NFIB: variants seen among roughly 807,000 people sequenced by gnomAD.
NFIB encodes the protein nuclear factor 1 B-type.
NFIB carries 11 observed loss-of-function variants against 61.5 expected under a neutral mutation model. The observed-to-expected ratio is 0.18, with a 90% CI of 0.11 to 0.30. NFIB has a LOEUF of 0.30. NFIB is among the 10% of genes least tolerant of loss of function. NFIB has a pLI of 1.00. For missense variants in NFIB, 471 were observed against 608.9 expected, an observed-to-expected ratio of 0.77 and a Z score of 2.38; for synonymous variants, 260 against 216.5, an observed-to-expected ratio of 1.20 and a Z score of -1.76.
chr9:14,405,300 T>C, the NFIB span, among the ~76,000 whole-genome samples: 1 of 152,194 alleles, frequency 6.6e-6, no homozygotes, highest in Non-Finnish European at 1.5e-5. Context: ...AAAACTTCTA[T>C]TGTATTATGT....
chr9:14,482,059 G>A, the NFIB span, among the ~76,000 whole-genome samples: 15,373 of 148,504 alleles, frequency 0.1, 923 homozygotes, highest in South Asian at 0.18. Flanking sequence ...ATACTGAGAC[G>A]ATGCCCCACC....
At chr9:14,521,913 A>G in the NFIB span, among the ~76,000 whole-genome samples, 2 of 152,230 alleles carry the variant, frequency 1.3e-5, no homozygotes, top group Non-Finnish European at 2.9e-5. Flanking sequence ...ATATTCATCA[A>G]TTCCTCAGCA....
At chr9:14,270,490 G>A (rs958796625) in intron 2 of NFIB, among the ~76,000 whole-genome samples, 2 of 141,436 alleles carry the variant, frequency 1.4e-5, no homozygotes, top group African/African-American at 5.2e-5. Context: ...CCAGACCATT[G>A]GCTTGAGATC....
intron 5 of NFIB, 97 bp downstream of exon 5, chr9:14,150,048 A>G: frequency 6.6e-7 from 1 of 1,503,790 alleles, no homozygotes; most frequent in Non-Finnish European, 8.9e-7. Context: ...ATTATTTCCC[A>G]TCTCTCTTTA....
In NFIB at chr9:14,087,932, T is replaced by C. The variant is rs1006634390; in HGVS notation, c.*377A>G. On this transcript the variant is annotated 3_prime_UTR_variant, in exon 11 of 11. Coordinates refer to ENST00000380953, the MANE Select transcript of NFIB (RefSeq NM_001190737.2). ...TATTGTCATAGAGACAGAACATCTA[T>C]TTCCCAGCGGACTTCATGTAACAAA... The C allele has an allele frequency of 1.6e-5, 4 of 250,342 alleles. No individual in the cohort carries two copies. The Admixed American group carries it at 2.1e-4, about 13-fold the overall frequency. The allele number at this position is 250,342 out of a possible 1,614,324, so 15.5% of individuals were successfully genotyped here. A position where few individuals can be genotyped will look rare whatever the true frequency, so the allele number is the denominator to read the frequency against.
the NFIB span, among the ~76,000 whole-genome samples, chr9:14,414,916 T>C: frequency 6.6e-6 from 1 of 152,176 alleles, no homozygotes; most frequent in Non-Finnish European, 1.5e-5. Flanking sequence ...CCAAATCAAA[T>C]GGCCATTCTA....
Position 14,146,735 on chromosome 9 carries a change from T to A in NFIB, c.879A>T (p.Pro293=), listed in dbSNP as rs773755755. ...PSPTGDFYPS[P]SSPAAGSRTW... Reference sequence around the variant, plus strand: ...TTCGACTTCCAGCAGCTGGTGAACTTGGAGAGGGGTAAAAGTCTCCTGTAG... The same window carrying A: ...TTCGACTTCCAGCAGCTGGTGAACTAGGAGAGGGGTAAAAGTCTCCTGTAG... The change falls in exon 6 of 11, where the codon CCA becomes CCT. Residue 293 remains proline (P), a synonymous_variant. Coordinates refer to ENST00000380953, the MANE Select transcript of NFIB (RefSeq NM_001190737.2). 1 of 1,612,146 alleles carries A rather than the reference T, an allele frequency of 6.2e-7. No individual in the cohort carries two copies. The highest frequency in any genetic ancestry group is 1.7e-5 in the Admixed American group (1 of 59,670).
chr9:14,145,564 C>T (rs1428784745), intron 6 of NFIB, among the ~76,000 whole-genome samples: 2 of 152,058 alleles, frequency 1.3e-5, no homozygotes, highest in Non-Finnish European at 2.9e-5. Context: ...TATGTGTCTC[C>T]TAAGAGTACT....
In NFIB at chr9:14,346,296, C is replaced by G. The variant is rs531962719; in HGVS notation, c.109-38776G>C. On this transcript the variant is annotated intron_variant, in intron 1 of 8. Transcript: ENST00000380934. Reference sequence around the variant, plus strand: ...GTCACACGAGGTAACCGACACCCCCCCCCCGTAACCTGAGCTAAAGGTAAA... The same window carrying G: ...GTCACACGAGGTAACCGACACCCCCGCCCCGTAACCTGAGCTAAAGGTAAA... Among the ~76,000 whole-genome samples, 44 of 142,734 alleles carry G rather than the reference C, an allele frequency of 3.1e-4. 2 individuals are homozygous for G. The East Asian group carries it at 5.7e-3, about 18-fold the overall frequency. The allele number at this position is 142,734 out of a possible 152,430, so 93.6% of individuals were successfully genotyped here. A position where few individuals can be genotyped will look rare whatever the true frequency, so the allele number is the denominator to read the frequency against.
chr9:14,224,249 T>A (rs2052070162), intron 2 of NFIB, among the ~76,000 whole-genome samples: 1 of 152,246 alleles, frequency 6.6e-6, no homozygotes, highest in South Asian at 2.1e-4. Flanking sequence ...TTCTGTTCAC[T>A]AAGATCACAG....
the NFIB span, among the ~76,000 whole-genome samples, chr9:14,427,371 C>T: frequency 2.0e-5 from 3 of 152,166 alleles, no homozygotes; most frequent in Admixed American, 6.5e-5. Flanking sequence ...ATTCAGTCCA[C>T]GTGACAACCC....
the NFIB span, among the ~76,000 whole-genome samples, chr9:14,465,897 C>G: frequency 2.0e-5 from 3 of 152,120 alleles, no homozygotes; most frequent in Non-Finnish European, 2.9e-5. Context: ...TTGTGACAAT[C>G]GAAATGTGTC....
the NFIB span, among the ~76,000 whole-genome samples, chr9:14,405,915 G>A: frequency 1.3e-5 from 2 of 152,328 alleles, no homozygotes; most frequent in Non-Finnish European, 2.9e-5. Context: ...ATGCTTTCTA[G>A]CACATGAAGT....
chr9:14,093,103 C>G (rs1277659892), intron 10 of NFIB, among the ~76,000 whole-genome samples: 1 of 151,966 alleles, frequency 6.6e-6, no homozygotes, highest in African/African-American at 2.4e-5. Flanking sequence ...ATGTATGAAG[C>G]CATTACATTG....
At chr9:14,125,221 G>A (rs1263676861) in intron 7 of NFIB, among the ~76,000 whole-genome samples, 2 of 152,096 alleles carry the variant, frequency 1.3e-5, no homozygotes, top group Non-Finnish European at 2.9e-5. Context: ...GCAGTGGCAC[G>A]ATCTCGGCTT....
the NFIB span, among the ~76,000 whole-genome samples, chr9:14,407,546 A>G: frequency 1.2e-4 from 19 of 152,200 alleles, no homozygotes; most frequent in Non-Finnish European, 2.9e-5. Flanking sequence ...GAGTTAGAGG[A>G]TAAACAAACT....
At chr9:14,104,393 T>C (rs1252206358) in intron 10 of NFIB, among the ~76,000 whole-genome samples, 1 of 152,112 alleles carries the variant, frequency 6.6e-6, no homozygotes, top group Non-Finnish European at 1.5e-5. Context: ...TAATCAAATT[T>C]AGTGTGATGG....
At chr9:14,238,238 G>A (rs1563933203) in intron 2 of NFIB, among the ~76,000 whole-genome samples, 1 of 152,076 alleles carries the variant, frequency 6.6e-6, no homozygotes, top group Non-Finnish European at 1.5e-5. Context: ...GTACTGGAGG[G>A]ATGGTAGTAT....
chr9:14,148,294 A>G (rs550160633), intron 5 of NFIB, among the ~76,000 whole-genome samples: 1 of 151,818 alleles, frequency 6.6e-6, no homozygotes, highest in East Asian at 2.0e-4. Context: ...TGCTAATTAA[A>G]AAAATTTTTT....
Sources: gnomAD v4.1 joint callset for allele counts (sites outside exome capture counted in the v4.1 genomes callset) on GRCh38, gnomAD v4.1.1 for gene constraint, MANE v1.5 for transcripts, NCBI Gene and HGNC (gene_info 2026-07-23, HGNC 2026-07-21) for gene names.